NFATC2: variants seen among roughly 807,000 people sequenced by gnomAD.
NFATC2 encodes nuclear factor of activated T cells 2.
A neutral mutation model predicts 87.3 loss-of-function variants in NFATC2; 22 were observed. The observed-to-expected ratio is 0.25, with a 90% CI of 0.18 to 0.36. The LOEUF (loss-of-function observed/expected upper bound fraction) is 0.36, where lower values mean the gene tolerates loss of function less well. Ranked by LOEUF, NFATC2 falls within the 10% of genes least tolerant of loss-of-function variation. The pLI is 1.00. For missense variants in NFATC2, 1,149 were observed against 1,259.1 expected, an observed-to-expected ratio of 0.91 and a Z score of 1.32; for synonymous variants, 565 against 542.2, an observed-to-expected ratio of 1.04 and a Z score of -0.58.
At chr20:51,508,032 C>A (rs1468699750) in intron 3 of NFATC2, among the ~76,000 whole-genome samples, 1 of 152,208 alleles carries the variant, frequency 6.6e-6, no homozygotes, top group Non-Finnish European at 1.5e-5. Flanking sequence ...CTATATTGTT[C>A]CTCTTGGTTG....
intron 3 of NFATC2, among the ~76,000 whole-genome samples, chr20:51,505,953 C>T (rs2076171994): frequency 6.6e-6 from 1 of 152,158 alleles, no homozygotes; most frequent in Admixed American, 6.5e-5. Flanking sequence ...ATAAGAAAAA[C>T]AATGAGCATA....
intron 1 of NFATC2, among the ~76,000 whole-genome samples, chr20:51,558,079 G>T (rs1018018261): frequency 1.3e-5 from 2 of 152,182 alleles, no homozygotes; most frequent in Admixed American, 1.3e-4. Context: ...GGTAGCTCAT[G>T]CCTGTAAACT....
chr20:51,461,132 C>T (rs1018839368), intron 5 of NFATC2, among the ~76,000 whole-genome samples: 1 of 152,122 alleles, frequency 6.6e-6, no homozygotes, highest in Admixed American at 6.5e-5. Flanking sequence ...CCCAAATTAC[C>T]CTCCTGAGCT....
At chr20:51,507,319 T>C (rs951859515) in intron 3 of NFATC2, among the ~76,000 whole-genome samples, 6 of 151,760 alleles carry the variant, frequency 4.0e-5, no homozygotes, top group Non-Finnish European at 7.4e-5. Flanking sequence ...ATCATGTCTG[T>C]AACAAACAGC....
chr20:51,478,794 C>G (rs1988979047), intron 3 of NFATC2, among the ~76,000 whole-genome samples: 1 of 152,188 alleles, frequency 6.6e-6, no homozygotes, highest in South Asian at 2.1e-4. Context: ...TCCACCACCC[C>G]ACTAGGCTCC....
At chr20:51,416,009 C>T (rs1979991196) in intron 9 of NFATC2, among the ~76,000 whole-genome samples, 1 of 151,944 alleles carries the variant, frequency 6.6e-6, no homozygotes, top group Non-Finnish European at 1.5e-5. Context: ...TGCCTGTAAT[C>T]CCAGCACTTT....
intron 5 of NFATC2, among the ~76,000 whole-genome samples, chr20:51,469,793 G>A (rs1988027146): frequency 6.6e-6 from 1 of 152,168 alleles, no homozygotes; most frequent in Non-Finnish European, 1.5e-5. Flanking sequence ...AAAGCTGGCG[G>A]GGATGGCACC....
intron 4 of NFATC2, 84 bp from the exon 5 acceptor site, chr20:51,474,236 A>T: frequency 6.6e-7 from 1 of 1,525,202 alleles, no homozygotes; most frequent in Non-Finnish European, 8.9e-7. Flanking sequence ...GTCTACAGCC[A>T]GTCACTGGGG....
chr20:51,462,181 T>C (rs1987229644), intron 5 of NFATC2, among the ~76,000 whole-genome samples: 1 of 151,058 alleles, frequency 6.6e-6, no homozygotes, highest in East Asian at 1.9e-4. Context: ...ATGCCTGTAA[T>C]CCCAGCACTT....
chr20:51,516,515 G>A (rs1007771488), intron 3 of NFATC2, among the ~76,000 whole-genome samples: 1 of 152,210 alleles, frequency 6.6e-6, no homozygotes, highest in Non-Finnish European at 1.5e-5. Flanking sequence ...AACTCTAGCA[G>A]TTTCTCCATC....
chr20:51,521,243 C>T (rs749529340), intron 2 of NFATC2, among the ~76,000 whole-genome samples: 1 of 152,258 alleles, frequency 6.6e-6, no homozygotes. Context: ...CAAGGCCCAG[C>T]GGGCAGGGCC....
chr20:51,471,395 C>A (rs1250646673), intron 5 of NFATC2, among the ~76,000 whole-genome samples: 3 of 152,216 alleles, frequency 2.0e-5, no homozygotes, highest in Non-Finnish European at 2.9e-5. Flanking sequence ...GGGCAGCCAC[C>A]ATGACCAGCA....
rs558841069 is a variant in NFATC2, at chr20:51,469,514, C to G, written c.1708+4466G>C. Among the ~76,000 whole-genome samples, 8 of 152,180 alleles carry G rather than the reference C, an allele frequency of 5.3e-5. No homozygotes were observed. The South Asian group carries it at 1.7e-3, about 32-fold the overall frequency. On this transcript the variant is annotated intron_variant, in intron 5 of 10. Transcript: ENST00000371564. ...AGTGTAGTGGGTTACACATAGTACC[C>G]CCTACCCGACTCCTCCTCCCTGCAA...
At chr20:51,499,273 C>T (rs58081719) in intron 3 of NFATC2, among the ~76,000 whole-genome samples, 14,192 of 152,080 alleles carry the variant, frequency 0.093, 989 homozygotes, top group African/African-American at 0.2. Context: ...GTCACCCAGA[C>T]AAGAGATGAT....
At chr20:51,452,548 C>A (rs980636362) in intron 6 of NFATC2, among the ~76,000 whole-genome samples, 3 of 152,188 alleles carry the variant, frequency 2.0e-5, no homozygotes, top group African/African-American at 7.2e-5. Context: ...TCTTGCCTTT[C>A]CACAGAGGTG....
intron 9 of NFATC2, among the ~76,000 whole-genome samples, chr20:51,408,340 C>A (rs1292870624): frequency 4.6e-5 from 7 of 151,810 alleles, no homozygotes; most frequent in Non-Finnish European, 1.0e-4. Flanking sequence ...ATAGGGAAAC[C>A]CCATCTCTAC....
intron 9 of NFATC2, among the ~76,000 whole-genome samples, chr20:51,409,971 G>A (rs1978936930): frequency 1.3e-5 from 2 of 152,206 alleles, no homozygotes; most frequent in African/African-American, 4.8e-5. Context: ...AGCACTTTGG[G>A]AAGCTGAGGT....
At chr20:51,493,189 T>C (rs564481961) in intron 3 of NFATC2, among the ~76,000 whole-genome samples, 15 of 152,178 alleles carry the variant, frequency 9.9e-5, no homozygotes, top group African/African-American at 3.6e-4. Flanking sequence ...CTGTGGACCT[T>C]GGGCAGGTCA....
intron 1 of NFATC2, among the ~76,000 whole-genome samples, chr20:51,536,757 T>G (rs1025345350): frequency 6.6e-6 from 1 of 152,234 alleles, no homozygotes; most frequent in African/African-American, 2.4e-5. Flanking sequence ...CCTTTCCAGC[T>G]GCACCTGGAG....
Sources: gnomAD v4.1 joint callset for allele counts (sites outside exome capture counted in the v4.1 genomes callset) on GRCh38, gnomAD v4.1.1 for gene constraint, MANE v1.5 for transcripts, NCBI Gene and HGNC (gene_info 2026-07-23, HGNC 2026-07-21) for gene names.